Variants in GTF2IRD2 observed in about 807,000 individuals in gnomAD.
GTF2IRD2 encodes GTF2I repeat domain containing 2.
A neutral mutation model predicts 49.2 loss-of-function variants in GTF2IRD2; 8 were observed. The observed-to-expected ratio is 0.16, with a 90% confidence interval of 0.10 to 0.29. The LOEUF (loss-of-function observed/expected upper bound fraction) is 0.29. GTF2IRD2 is among the 10% of genes least tolerant of loss of function. The probability of loss-of-function intolerance (pLI) is 1.00; values close to 1 mark genes in which losing one functional copy is unlikely to be tolerated. For missense variants in GTF2IRD2, 130 were observed against 725.7 expected (o/e 0.18, Z 9.43); for synonymous variants, 47 against 289.7 (o/e 0.16, Z 8.51).
chr7:74,834,711 T>A (rs1554420840), intron 2 of GTF2IRD2, among the ~76,000 whole-genome samples: 1 of 124,406 alleles, frequency 8.0e-6, no homozygotes, highest in Admixed American at 7.6e-5. Flanking sequence ...ACTTATTTTT[T>A]TTTTTTTTTA....
intron 11 of GTF2IRD2, among the ~76,000 whole-genome samples, chr7:74,807,362 T>C (rs1797860528): frequency 1.2e-5 from 1 of 86,364 alleles, no homozygotes; most frequent in Non-Finnish European, 2.5e-5. Context: ...ACTGCAACCT[T>C]TGCCTCCCAG....
At chr7:74,799,011 C>CTTTTTTTTTTTTTTTTTTTTTTTT (rs1286153945) in intron 15 of GTF2IRD2, 1 of 129,200 alleles carries the variant, frequency 7.7e-6, no homozygotes, top group African/African-American at 2.9e-5. Context: ...TTTTCTTTTT[C>CTTTTTTTTTTTTTTTTTTTTTTTT]TTTTTTTTTT....
rs1298216398 is a variant in GTF2IRD2 at position 74,797,566 on chromosome 7, T to C, written c.1946A>G (p.Lys649Arg). Residue 649 changes from lysine to arginine, a missense_variant, in exon 16 of 16, where the codon AAG becomes AGG. Transcript: ENST00000451013. The stretch of plus-strand genomic sequence containing the variant: ...CGGATGAATTATACAACAGATGGAC[T>C]TCAGTTCCGCACCCTTGCAGAACGT... ...VATFCKGAELKSICCIIHPES... is the reference protein window; with the variant it reads ...VATFCKGAELRSICCIIHPES... The C allele has an allele frequency of 6.9e-6, 11 of 1,585,298 alleles. No homozygotes were observed. Among genetic ancestry groups the C allele is most frequent in the Non-Finnish European group, 9.5e-6 (11 of 1,159,310 alleles).
rs1437934939 is a variant in GTF2IRD2 at position 74,841,163 on chromosome 7, T to C, written c.-5-4780A>G. Among the ~76,000 whole-genome samples, 4 of 141,944 alleles carry C rather than the reference T, an allele frequency of 2.8e-5. 1 individual carries two copies. Among genetic ancestry groups the C allele is most frequent in the African/African-American group, 1.1e-4 (4 of 35,222 alleles). The allele number at this position is 141,944 out of a possible 152,430, so 93.1% of individuals were successfully genotyped here. On this transcript the variant is annotated intron_variant, in intron 1 of 15. Coordinates refer to ENST00000451013, the MANE Select transcript of GTF2IRD2 (RefSeq NM_173537.5). Reference sequence around the variant, plus strand: ...CATGCCCAGCCTTATTTTATATATATATATGTATTGGTTTTTTTTTTTGAC... The same window carrying C: ...CATGCCCAGCCTTATTTTATATATACATATGTATTGGTTTTTTTTTTTGAC...
At chr7:74,824,008 C>T (rs1799150222) in intron 4 of GTF2IRD2, among the ~76,000 whole-genome samples, 1 of 102,836 alleles carries the variant, frequency 9.7e-6, no homozygotes, top group Non-Finnish European at 2.0e-5. Context: ...CCAAAAAATA[C>T]AAAAAAAGTT....
At chr7:74,828,518 C>CA (rs1393856735) in intron 3 of GTF2IRD2, among the ~76,000 whole-genome samples, 5 of 91,960 alleles carry the variant, frequency 5.4e-5, no homozygotes, top group Non-Finnish European at 1.1e-4. Flanking sequence ...TAAAAAAATA[C>CA]AAAAATTAGC....
At chr7:74,818,880 C>G (rs1798679023) in intron 8 of GTF2IRD2, 1 of 151,450 alleles carries the variant, frequency 6.6e-6, no homozygotes, top group East Asian at 1.9e-4. Flanking sequence ...AAATGATAAC[C>G]TGCTAGATAC....
intron 3 of GTF2IRD2, among the ~76,000 whole-genome samples, chr7:74,826,081 C>T (rs374397332): frequency 0.042 from 6,196 of 148,158 alleles, no homozygotes; most frequent in Middle Eastern, 0.08. Flanking sequence ...CACCACACCC[C>T]GCCAAGTATA....
At chr7:74,827,006 CG>C (rs1297899265) in intron 3 of GTF2IRD2, among the ~76,000 whole-genome samples, 1 of 151,910 alleles carries the variant, frequency 6.6e-6, no homozygotes, top group Non-Finnish European at 1.5e-5. Context: ...CTACCATGCC[CG>C]GCCATTTCAT....
At chr7:74,844,642 C>T (rs1333003434) in intron 1 of GTF2IRD2, among the ~76,000 whole-genome samples, 8 of 25,032 alleles carry the variant, frequency 3.2e-4, no homozygotes, top group African/African-American at 1.2e-3. Context: ...CCTCAGCCTC[C>T]CAAAGTGCTG....
At chr7:74,842,261 GCT>G (rs1727545679) in intron 1 of GTF2IRD2, among the ~76,000 whole-genome samples, 1 of 107,716 alleles carries the variant, frequency 9.3e-6, no homozygotes, top group South Asian at 3.1e-4. Context: ...ATGGGGTCTT[GCT>G]CTGTCTCCCA....
chr7:74,799,922 A>AAG (rs1797393115), intron 15 of GTF2IRD2, among the ~76,000 whole-genome samples: 1 of 19,190 alleles, frequency 5.2e-5, no homozygotes, highest in Non-Finnish European at 8.6e-5. Context: ...CTGTCTCTAC[A>AAG]AAAAAAAAAA....
chr7:74,841,213 G>A (rs587661246), intron 1 of GTF2IRD2, among the ~76,000 whole-genome samples: 1 of 125,986 alleles, frequency 7.9e-6, no homozygotes, highest in African/African-American at 3.6e-5. Context: ...TGTTGCCCAG[G>A]CTGGAGTGAA....
chr7:74,815,845 A>AGAAC lies in GTF2IRD2; in HGVS notation c.671-3030_671-3029insGTTC, dbSNP rs1798488321. Among the ~76,000 whole-genome samples, 11 of 108,626 alleles carry AGAAC rather than the reference A, an allele frequency of 1.0e-4. No individual in the cohort carries two copies. The South Asian group carries it at 3.2e-3, about 32-fold the overall frequency. The allele number at this position is 108,626 out of a possible 152,430, so 71.3% of individuals were successfully genotyped here. A position where few individuals can be genotyped will look rare whatever the true frequency, so the allele number is the denominator to read the frequency against. On this transcript the variant is annotated intron_variant, in intron 8 of 15. Transcript: ENST00000451013. ...AAGAAAGAAAGAAAGAAAGAAAGAA[A>AGAAC]GAAAGAAAGAAAGAAAGAAAGAGAA... is the stretch of plus-strand genomic sequence containing the variant.
At position 74,815,383 on chromosome 7, in the gene GTF2IRD2, C is replaced by A. The variant is rs1361949725; in HGVS notation, c.671-2567G>T. Among the ~76,000 whole-genome samples, 15 of 79,078 alleles carry A rather than the reference C, an allele frequency of 1.9e-4. 1 individual carries two copies. The highest frequency in any genetic ancestry group is 4.0e-4 in the African/African-American group (13 of 32,678). 51.9% of individuals were successfully genotyped at this position (79,078 alleles called of 152,430 possible). On this transcript the variant is annotated intron_variant, in intron 8 of 15. Transcript: ENST00000451013. ...GGAGAATCGCTTGAACCCGGGGGGG[C>A]GGAAGTTGCAGTGAGCTGAGATCAC...
chr7:74,808,666 G>A (rs587752698), intron 11 of GTF2IRD2, among the ~76,000 whole-genome samples: 4 of 79,698 alleles, frequency 5.0e-5, no homozygotes, highest in African/African-American at 1.3e-4. Flanking sequence ...TCAAAGCATT[G>A]GGCCCTAATG....
intron 3 of GTF2IRD2, among the ~76,000 whole-genome samples, chr7:74,825,856 A>G (rs1300857064): frequency 6.9e-6 from 1 of 144,732 alleles, no homozygotes; most frequent in Non-Finnish European, 1.5e-5. Flanking sequence ...GCTGGAGTGC[A>G]GTGGCATGTT....
Position 74,836,253 on chromosome 7 carries a change from T to A in GTF2IRD2, c.99+27A>T, listed in dbSNP as rs1280867536. The A allele has an allele frequency of 1.4e-5, 22 of 1,607,744 alleles. 2 individuals are homozygous for A. In the African/African-American group the frequency reaches 3.0e-4, roughly 22 times the overall value. On this transcript the variant is annotated intron_variant, in intron 2 of 15. Transcript: ENST00000451013. ...TTTCGACAATGATCCATCTATGGAATGTCAGACAAGTGTCAGGCTGTCTCA... is the reference window on the plus strand; with the variant it reads ...TTTCGACAATGATCCATCTATGGAAAGTCAGACAAGTGTCAGGCTGTCTCA...
chr7:74,831,543 A>ACC (rs1554420410), intron 3 of GTF2IRD2, among the ~76,000 whole-genome samples: 267 of 140,900 alleles, frequency 1.9e-3, no homozygotes, highest in Admixed American at 3.0e-3. Flanking sequence ...ACACACACAC[A>ACC]CCCTTATACC....
Sources: allele counts gnomAD v4.1 joint callset (sites outside exome capture counted in the v4.1 genomes callset), GRCh38; gene constraint gnomAD v4.1.1; transcripts MANE v1.5; gene names NCBI Gene and HGNC (gene_info 2026-07-23, HGNC 2026-07-21).